Variants in CPEB3 observed in about 807,000 individuals in gnomAD.
CPEB3 encodes the protein cytoplasmic polyadenylation element-binding protein 3.
Under a neutral mutation model 67.2 loss-of-function variants are expected in CPEB3, and 20 were observed. The ratio of observed to expected loss-of-function variants is 0.30; its 90% CI spans 0.21 to 0.43. CPEB3 has a LOEUF of 0.43. Among genes scored for constraint, CPEB3 ranks in the 20% least tolerant of loss-of-function variants. The pLI, the probability that CPEB3 is intolerant of heterozygous loss-of-function variation, is 1.00. For synonymous variants in CPEB3, 376 were observed against 393.1 expected (o/e 0.96, Z 0.51); for missense variants, 746 against 968.6 (o/e 0.77, Z 3.05).
At chr10:92,105,039 T>G (rs1212001975) in intron 7 of CPEB3, among the ~76,000 whole-genome samples, 1 of 152,138 alleles carries the variant, frequency 6.6e-6, no homozygotes, top group African/African-American at 2.4e-5. Flanking sequence ...ATGCTGAGAT[T>G]ACAGGCAAGA....
intron 2 of CPEB3, among the ~76,000 whole-genome samples, chr10:92,193,565 C>G (rs1849085106): frequency 6.6e-6 from 1 of 151,926 alleles, no homozygotes; most frequent in South Asian, 2.1e-4. Flanking sequence ...TCAAGCAATC[C>G]TCCCACCTCA....
chr10:92,234,520 C>A (rs1221686075), intron 2 of CPEB3, among the ~76,000 whole-genome samples: 2 of 152,158 alleles, frequency 1.3e-5, no homozygotes, highest in Admixed American at 6.5e-5. Flanking sequence ...GTCCTAGAGA[C>A]AGAATAGTCA....
chr10:92,268,007 C>T (rs1348191804), intron 1 of CPEB3, among the ~76,000 whole-genome samples: 2 of 152,108 alleles, frequency 1.3e-5, no homozygotes, highest in African/African-American at 2.4e-5. Context: ...TTATTAGAGA[C>T]GGGTTTCACC....
Position 92,239,688 on chromosome 10 carries a change from G to A in CPEB3, c.663C>T (p.Ser221=), listed in dbSNP as rs950095205. ...CAGCGGCTGCAACCGCCGAAGACGA[G>A]GACGGCTTGCTGGTCATGATGGGCT... is the stretch of plus-strand genomic sequence containing the variant. ...GHQPIMTSKP[S]SSSAVAAAAA... Residue 221 remains serine (S), a synonymous_variant, in exon 2 of 10, where the codon TCC becomes TCT. Transcript: ENST00000265997. The surrounding 1 kb of genome is among the most constrained non-coding windows in gnomAD (Gnocchi z 6.0). 7 of 1,570,706 alleles carry A rather than the reference G, an allele frequency of 4.5e-6. No individual in the cohort carries two copies. Among genetic ancestry groups the A allele is most frequent in the Non-Finnish European group, 3.4e-6 (4 of 1,161,930 alleles).
chr10:92,081,179 G>A, intron 9 of CPEB3, 141 bp downstream of exon 9: 1 of 843,000 alleles, frequency 1.2e-6, no homozygotes, highest in Non-Finnish European at 1.9e-6. Flanking sequence ...TCTTTTTCAG[G>A]CAGCCTAGAT....
At chr10:92,105,505 A>G (rs1275293550) in intron 7 of CPEB3, among the ~76,000 whole-genome samples, 2 of 151,590 alleles carry the variant, frequency 1.3e-5, no homozygotes, top group Non-Finnish European at 2.9e-5. Flanking sequence ...CTCTTGGCCA[A>G]CTCCACATTC....
At chr10:92,282,080 T>C (rs1168409017) in intron 1 of CPEB3, among the ~76,000 whole-genome samples, 2 of 152,182 alleles carry the variant, frequency 1.3e-5, no homozygotes, top group Non-Finnish European at 2.9e-5. Flanking sequence ...TCTTATAAAA[T>C]TGATACTTCA....
At chr10:92,189,698 A>ATTTTTTTT (rs1035403421) in intron 3 of CPEB3, among the ~76,000 whole-genome samples, 1 of 88,056 alleles carries the variant, frequency 1.1e-5, no homozygotes, top group Non-Finnish European at 2.2e-5. Context: ...GTCTCTAGTG[A>ATTTTTTTT]TTTTTTTTTT....
chr10:92,054,704 A>C (rs557009173), intron 9 of CPEB3, among the ~76,000 whole-genome samples: 2 of 152,236 alleles, frequency 1.3e-5, no homozygotes, highest in South Asian at 2.1e-4. Flanking sequence ...GGCCTCTCAA[A>C]GTGCTGGGAT....
chr10:92,206,118 C>T (rs974248469), intron 2 of CPEB3, among the ~76,000 whole-genome samples: 2 of 149,892 alleles, frequency 1.3e-5, no homozygotes, highest in African/African-American at 4.9e-5. Context: ...CTGGTCCAAG[C>T]TGGAGTGCAA....
In CPEB3 at chr10:92,214,580, T is replaced by C. The variant is rs1307516661; in HGVS notation, c.1006-21944A>G. 2.0e-5 allele frequency among the ~76,000 whole-genome samples: 3 copies of C among 152,006 alleles called. No individual in the cohort carries two copies. In the East Asian group the frequency reaches 5.8e-4, roughly 29 times the overall value. On this transcript the variant is annotated intron_variant, in intron 2 of 9. Transcript: ENST00000265997. ...TCACTGTAACCTCCGCCTCCCAGGT[T>C]CAAGCGATTCTCCTGCCTCAGTCCC...
chr10:92,278,202 T>C (rs899373638), intron 1 of CPEB3, among the ~76,000 whole-genome samples: 3 of 151,836 alleles, frequency 2.0e-5, no homozygotes, highest in Admixed American at 6.6e-5. Flanking sequence ...AAAAAAAAAT[T>C]ATTTTGGCTA....
rs149683574 is a variant in CPEB3, at chr10:92,073,540, T to C, written c.1869+7780A>G. On this transcript the variant is annotated intron_variant, in intron 9 of 9. Coordinates refer to ENST00000265997, the MANE Select transcript of CPEB3 (RefSeq NM_014912.5). ...TGTAGCCTCAAGCTCCTGGGCTTAATAGATCCTCCTGCCTCAGCCTCCCAA... is the reference window on the plus strand; with the variant it reads ...TGTAGCCTCAAGCTCCTGGGCTTAACAGATCCTCCTGCCTCAGCCTCCCAA... 1.3e-3 allele frequency among the ~76,000 whole-genome samples: 197 copies of C among 152,186 alleles called. 3 individuals are homozygous for C. The East Asian group carries it at 0.029, about 22-fold the overall frequency.
chr10:92,089,307 T>C (rs1227095575), intron 8 of CPEB3, among the ~76,000 whole-genome samples: 1 of 152,130 alleles, frequency 6.6e-6, no homozygotes, highest in Non-Finnish European at 1.5e-5. Flanking sequence ...CTAGAAGTCT[T>C]GGGATGAATG....
intron 1 of CPEB3, among the ~76,000 whole-genome samples, chr10:92,287,625 G>A (rs979758467): frequency 1.3e-5 from 2 of 152,024 alleles, no homozygotes; most frequent in African/African-American, 4.8e-5. Context: ...ATACCCTTAT[G>A]AACATTTTCT....
chr10:92,108,452 G>C (rs1366013994), intron 7 of CPEB3, among the ~76,000 whole-genome samples: 1 of 152,190 alleles, frequency 6.6e-6, no homozygotes, highest in Non-Finnish European at 1.5e-5. Context: ...AGGGGGTGGT[G>C]GTGGGGTGGT....
intron 9 of CPEB3, among the ~76,000 whole-genome samples, chr10:92,077,690 T>C (rs1308193439): frequency 6.6e-6 from 1 of 150,790 alleles, no homozygotes; most frequent in Non-Finnish European, 1.5e-5. Context: ...GCCCAGGAGG[T>C]TGAAGCTGCA....
intron 6 of CPEB3, among the ~76,000 whole-genome samples, chr10:92,120,130 G>A (rs1420836379): frequency 7.0e-5 from 7 of 100,708 alleles, no homozygotes; most frequent in Admixed American, 3.3e-4. Context: ...AAATTGCTAC[G>A]CCGGGTGCGG....
intron 8 of CPEB3, among the ~76,000 whole-genome samples, chr10:92,088,379 A>C (rs1459593791): frequency 2.0e-5 from 3 of 152,152 alleles, no homozygotes; most frequent in East Asian, 3.9e-4. Flanking sequence ...GGAGTGTGCC[A>C]TCATGCCTGG....
Sources: allele counts gnomAD v4.1 joint callset (sites outside exome capture counted in the v4.1 genomes callset), GRCh38; gene constraint gnomAD v4.1.1; non-coding constraint Gnocchi (gnomAD v3.1); transcripts MANE v1.5; gene names NCBI Gene and HGNC (gene_info 2026-07-23, HGNC 2026-07-21).